Variants in WDFY2 observed in about 807,000 individuals in gnomAD.
The protein encoded by WDFY2 is WD repeat and FYVE domain-containing protein 2.
WDFY2 carries 36 observed loss-of-function variants against 56.4 expected under a neutral mutation model. That is an observed-to-expected ratio of 0.64 (90% CI 0.49 to 0.84). The LOEUF (loss-of-function observed/expected upper bound fraction) is 0.84, where lower values mean the gene tolerates loss of function less well. Ranked by LOEUF, WDFY2 falls within the 40% of genes least tolerant of loss-of-function variation. The probability of loss-of-function intolerance (pLI) is 0.00; values close to 1 mark genes in which losing one functional copy is unlikely to be tolerated. For synonymous variants in WDFY2, 176 were observed against 183.7 expected (o/e 0.96, Z 0.34); for missense variants, 444 against 512.2 (o/e 0.87, Z 1.29).
chr13:51,626,179 A>G (rs772980118), intron 1 of WDFY2, among the ~76,000 whole-genome samples: 12 of 152,224 alleles, frequency 7.9e-5, no homozygotes, highest in African/African-American at 1.7e-4. Flanking sequence ...TAGAACATAC[A>G]TTCTTCAACA....
intron 10 of WDFY2, among the ~76,000 whole-genome samples, chr13:51,757,406 C>G (rs985598120): frequency 2.6e-5 from 4 of 151,880 alleles, no homozygotes; most frequent in African/African-American, 9.7e-5. Context: ...TTTAAAGTAA[C>G]CATTTTAAGA....
At chr13:51,739,525 T>C (rs1416704487) in intron 7 of WDFY2, among the ~76,000 whole-genome samples, 1 of 152,096 alleles carries the variant, frequency 6.6e-6, no homozygotes, top group African/African-American at 2.4e-5. Context: ...TTACAAAATT[T>C]ATATAATTGA....
At chr13:51,683,796 G>A (rs1180561125) in intron 3 of WDFY2, among the ~76,000 whole-genome samples, 1 of 152,180 alleles carries the variant, frequency 6.6e-6, no homozygotes, top group Non-Finnish European at 1.5e-5. Context: ...GCAGAGAGGG[G>A]AGTGGTATTA....
At chr13:51,602,065 G>A (rs546581252) in intron 1 of WDFY2, among the ~76,000 whole-genome samples, 1 of 152,338 alleles carries the variant, frequency 6.6e-6, no homozygotes, top group Non-Finnish European at 1.5e-5. Context: ...GAAAAGCTAT[G>A]CATTTATTGT....
At chr13:51,657,856 T>G (rs1207939114) in intron 1 of WDFY2, among the ~76,000 whole-genome samples, 1 of 152,202 alleles carries the variant, frequency 6.6e-6, no homozygotes, top group Non-Finnish European at 1.5e-5. Flanking sequence ...TACAACCTTG[T>G]CCTGATTTCC....
At chr13:51,735,247 A>G (rs1012371415) in intron 6 of WDFY2, among the ~76,000 whole-genome samples, 4 of 152,172 alleles carry the variant, frequency 2.6e-5, no homozygotes, top group African/African-American at 4.8e-5. Flanking sequence ...CTGCCACTCA[A>G]TGCAGCAGAT....
Position 51,756,409 on chromosome 13 carries a change from C to CCCCCT in WDFY2, c.1011_1012insCCCCT (p.Glu338ProfsTer6), listed in dbSNP as rs1566240139. ...GCTCCTCCATCCCCCTGATGGGCTTCGAGTTTGAAGTGAGGGTCTGTGACA... is the reference window on the plus strand; with the variant it reads ...GCTCCTCCATCCCCCTGATGGGCTTCCCCCTGAGTTTGAAGTGAGGGTCTGTGACA... On this transcript the variant is annotated frameshift_variant, in exon 10 of 12. Coordinates refer to ENST00000298125, the MANE Select transcript of WDFY2 (RefSeq NM_052950.4). LOFTEE classifies it high-confidence loss of function. The CCCCCT allele has an allele frequency of 6.2e-7, 1 of 1,614,068 alleles. No homozygotes were observed. The highest frequency in any genetic ancestry group is 1.7e-5 in the Admixed American group (1 of 60,010).
chr13:51,694,793 A>G (rs1254939668), intron 3 of WDFY2, among the ~76,000 whole-genome samples: 1 of 151,764 alleles, frequency 6.6e-6, no homozygotes, highest in African/African-American at 2.4e-5. Context: ...ACTTGGTTCC[A>G]TTTTCCCCGT....
chr13:51,601,595 A>G (rs1954284129), intron 1 of WDFY2, among the ~76,000 whole-genome samples: 1 of 152,066 alleles, frequency 6.6e-6, no homozygotes, highest in Admixed American at 6.6e-5. Flanking sequence ...TTGTATTTTT[A>G]GTACAGACGG....
At chr13:51,725,261 A>AG (rs1488834199) in intron 5 of WDFY2, among the ~76,000 whole-genome samples, 2 of 152,210 alleles carry the variant, frequency 1.3e-5, no homozygotes, top group African/African-American at 4.8e-5. Context: ...CAATAAGACT[A>AG]CTGAATGAGA....
intron 7 of WDFY2, among the ~76,000 whole-genome samples, chr13:51,746,328 GTA>G (rs1297215095): frequency 6.6e-6 from 1 of 152,150 alleles, no homozygotes; most frequent in African/African-American, 2.4e-5. Context: ...TTCACCTACA[GTA>G]TTTGCAACAA....
chr13:51,741,592 G>A (rs370000042), intron 7 of WDFY2, among the ~76,000 whole-genome samples: 19 of 152,272 alleles, frequency 1.2e-4, no homozygotes, highest in African/African-American at 2.4e-4. Context: ...AACAACTTGC[G>A]CAGCCGCCAT....
intron 1 of WDFY2, among the ~76,000 whole-genome samples, chr13:51,620,488 T>C (rs1055057574): frequency 4.6e-5 from 7 of 152,074 alleles, no homozygotes; most frequent in Non-Finnish European, 7.4e-5. Flanking sequence ...CTCTGTCTTA[T>C]CCTTCATCCT....
chr13:51,619,402 C>T (rs1954683847), intron 1 of WDFY2, among the ~76,000 whole-genome samples: 2 of 151,116 alleles, frequency 1.3e-5, no homozygotes, highest in African/African-American at 4.9e-5. Flanking sequence ...CACTATACTC[C>T]AGCCTGGGCA....
At chr13:51,626,010 G>C (rs547077286) in intron 1 of WDFY2, among the ~76,000 whole-genome samples, 2 of 152,336 alleles carry the variant, frequency 1.3e-5, no homozygotes, top group Admixed American at 1.3e-4. Flanking sequence ...GAGCACCCTG[G>C]CAGCCAAGCA....
intron 1 of WDFY2, among the ~76,000 whole-genome samples, chr13:51,603,665 T>C (rs1954328384): frequency 6.6e-6 from 1 of 152,236 alleles, no homozygotes; most frequent in South Asian, 2.1e-4. Context: ...GAAGGAGTTG[T>C]AAGACCTGAG....
At position 51,719,216 on chromosome 13, in the gene WDFY2, C is replaced by T. The variant is rs142132132; in HGVS notation, c.353C>T (p.Thr118Met). 125 of 1,614,014 alleles carry T rather than the reference C, an allele frequency of 7.7e-5. No individual in the cohort carries two copies. The highest frequency in any genetic ancestry group is 3.3e-4 in the Middle Eastern group (2 of 6,084). ...KNYQAHQSRV[T>M]MILFVLELEW... Reference sequence around the variant, plus strand: ...TTTTCAGCGCATCAGAGCAGAGTGACGATGATCCTGTTTGTCCTGGAGCTG... The same window carrying T: ...TTTTCAGCGCATCAGAGCAGAGTGATGATGATCCTGTTTGTCCTGGAGCTG... The change falls in exon 5 of 12, where the codon ACG becomes ATG. Residue 118 changes from threonine to methionine, a missense_variant. Transcript: ENST00000298125.
intron 6 of WDFY2, among the ~76,000 whole-genome samples, chr13:51,729,594 G>T (rs1952679251): frequency 6.6e-6 from 1 of 151,688 alleles, no homozygotes; most frequent in African/African-American, 2.4e-5. Flanking sequence ...TCTTCTCAGT[G>T]CAGGAGAGCT....
At chr13:51,691,112 G>A (rs1278892977) in intron 3 of WDFY2, among the ~76,000 whole-genome samples, 1 of 152,028 alleles carries the variant, frequency 6.6e-6, no homozygotes, top group East Asian at 1.9e-4. Context: ...TGTCAGATGA[G>A]TAGGTTGCGA....
Sources: gnomAD v4.1 joint callset for allele counts (sites outside exome capture counted in the v4.1 genomes callset) on GRCh38, gnomAD v4.1.1 for gene constraint, MANE v1.5 for transcripts, NCBI Gene and HGNC (gene_info 2026-07-23, HGNC 2026-07-21) for gene names.